Variants in DMD observed in about 807,000 individuals in gnomAD.
The protein encoded by DMD is mutant dystrophin.
DMD carries 63 observed loss-of-function variants against 330.1 expected under a neutral mutation model. That is an observed-to-expected ratio of 0.19 (90% CI 0.16 to 0.24). The LOEUF (loss-of-function observed/expected upper bound fraction) is 0.24, where lower values mean the gene tolerates loss of function less well. DMD is among the 10% of genes least tolerant of loss of function. DMD has a pLI of 1.00. For synonymous variants in DMD, 1,223 were observed against 959.8 expected (o/e 1.27, Z -5.07); for missense variants, 3,344 against 2,684.1 (o/e 1.25, Z -5.43).
At chrX:31,572,552 G>T (rs936574274) in intron 55 of DMD, among the ~76,000 whole-genome samples, 3 of 111,780 alleles carry the variant, frequency 2.7e-5, no homozygotes, top group Non-Finnish European at 5.6e-5. Flanking sequence ...TAATTCCCCC[G>T]TTGGAAGCAG....
At chrX:32,988,499 C>T (rs2092903224) in intron 2 of DMD, among the ~76,000 whole-genome samples, 2 of 112,157 alleles carry the variant, frequency 1.8e-5, no homozygotes, top group Non-Finnish European at 3.8e-5. Context: ...CCTATCAGAT[C>T]CACTCTGAGC....
intron 59 of DMD, among the ~76,000 whole-genome samples, chrX:31,471,030 C>A (rs1469168749): frequency 1.8e-5 from 2 of 111,888 alleles, no homozygotes; most frequent in Non-Finnish European, 3.8e-5. Flanking sequence ...AGGTCCACTT[C>A]AGACTGCTGT....
At chrX:32,041,681 T>C (rs1358347813) in intron 44 of DMD, among the ~76,000 whole-genome samples, 2 of 111,061 alleles carry the variant, frequency 1.8e-5, no homozygotes, top group East Asian at 5.7e-4. Context: ...TCATCTCTAC[T>C]GTCAAATGAT....
At chrX:33,261,747 A>T (rs964481754) in intron 1 of DMD, among the ~76,000 whole-genome samples, 5 of 109,910 alleles carry the variant, frequency 4.5e-5, no homozygotes, top group African/African-American at 1.7e-4. Context: ...ATCACCACAA[A>T]CAGCACTCCA....
intron 9 of DMD, among the ~76,000 whole-genome samples, chrX:32,658,945 GAT>G (rs1569414997): frequency 8.9e-6 from 1 of 111,767 alleles, no homozygotes; most frequent in East Asian, 2.8e-4. Context: ...CCTGAAAATA[GAT>G]ATGATACTAA....
At chrX:31,733,309 T>C (rs1486546587) in intron 51 of DMD, among the ~76,000 whole-genome samples, 1 of 111,892 alleles carries the variant, frequency 8.9e-6, no homozygotes, top group Non-Finnish European at 1.9e-5. Context: ...CAATTTTTTA[T>C]TGTATTCATT....
intron 7 of DMD, among the ~76,000 whole-genome samples, chrX:32,724,147 C>T (rs1376850052): frequency 8.9e-6 from 1 of 111,950 alleles, no homozygotes; most frequent in Non-Finnish European, 1.9e-5. Context: ...TGAGGAAATC[C>T]TTTCAAAAAA....
Position 32,614,408 on chromosome X carries a change from C to T in DMD, c.1377G>A (p.Glu459=), listed in dbSNP as rs2149350233. ...CTGTTTTTGTTAGCCAGTCATTCAA[C>T]TCTTTCAGTTTCTGATTCTGGAGAT... is the stretch of plus-strand genomic sequence containing the variant. ...LMDLQNQKLK[E]LNDWLTKTEE... is the part of the protein sequence containing the mutation. The change falls in exon 12 of 79, where the codon GAG becomes GAA. Residue 459 remains glutamate, a synonymous_variant. Transcript: ENST00000357033. 9 of 1,208,065 alleles carry T rather than the reference C, an allele frequency of 7.4e-6. No homozygotes were observed. The highest frequency in any genetic ancestry group is 9.0e-6 in the Non-Finnish European group (8 of 892,979).
intron 2 of DMD, among the ~76,000 whole-genome samples, chrX:32,973,549 A>G (rs1273368595): frequency 8.9e-6 from 1 of 111,884 alleles, no homozygotes; most frequent in Non-Finnish European, 1.9e-5. Context: ...TCGTAAAGCC[A>G]CCATGCTAGG....
At chrX:32,358,807 G>A (rs1481076179) in intron 37 of DMD, among the ~76,000 whole-genome samples, 1 of 110,555 alleles carries the variant, frequency 9.0e-6, no homozygotes, top group African/African-American at 3.3e-5. Flanking sequence ...CCCCAGATTC[G>A]GCCATTCAAG....
chrX:32,736,056 A>C (rs2068428986), intron 7 of DMD, among the ~76,000 whole-genome samples: 1 of 112,027 alleles, frequency 8.9e-6, no homozygotes, highest in African/African-American at 3.2e-5. Context: ...CAATGAACTC[A>C]AACAAATTTA....
chrX:33,171,555 G>A (rs767762228), intron 1 of DMD, among the ~76,000 whole-genome samples: 5 of 111,100 alleles, frequency 4.5e-5, no homozygotes, highest in Non-Finnish European at 7.6e-5. Context: ...CTACTCGTAG[G>A]TTATTCTTAA....
chrX:32,459,464 T>C (rs1057404624), intron 25 of DMD, among the ~76,000 whole-genome samples: 3 of 111,315 alleles, frequency 2.7e-5, no homozygotes, highest in East Asian at 2.8e-4. Context: ...CAGTATCTTA[T>C]ATACATGTTA....
At chrX:33,281,644 T>C (rs1471975631) in intron 1 of DMD, among the ~76,000 whole-genome samples, 2 of 111,486 alleles carry the variant, frequency 1.8e-5, no homozygotes, top group East Asian at 5.6e-4. Flanking sequence ...CTTTTGATGG[T>C]ACTCTGGACA....
intron 60 of DMD, among the ~76,000 whole-genome samples, chrX:31,409,968 G>A (rs1188004157): frequency 3.6e-5 from 4 of 110,781 alleles, no homozygotes; most frequent in Admixed American, 2.9e-4. Context: ...ACAGGCGCCC[G>A]CCACCATGCC....
intron 3 of DMD, among the ~76,000 whole-genome samples, chrX:32,848,896 G>C (rs2080905105): frequency 9.0e-6 from 1 of 110,838 alleles, no homozygotes; most frequent in African/African-American, 3.3e-5. Flanking sequence ...TTAGCGTTAA[G>C]TGTTACAGGA....
At chrX:33,188,186 C>T (rs766661505) in intron 1 of DMD, among the ~76,000 whole-genome samples, 69 of 110,704 alleles carry the variant, frequency 6.2e-4, no homozygotes, top group African/African-American at 2.2e-3. Flanking sequence ...GGGTGTTAAG[C>T]TGGTGAAACA....
intron 55 of DMD, among the ~76,000 whole-genome samples, chrX:31,610,582 T>C (rs1481955404): frequency 8.9e-6 from 1 of 112,129 alleles, no homozygotes; most frequent in Non-Finnish European, 1.9e-5. Flanking sequence ...ACTTTACTTT[T>C]GAGAAATTGA....
At chrX:32,717,612 C>T (rs778448504) in intron 7 of DMD, among the ~76,000 whole-genome samples, 1 of 111,659 alleles carries the variant, frequency 9.0e-6, no homozygotes, top group Non-Finnish European at 1.9e-5. Context: ...CACAGAGTCC[C>T]CACTGGGGCA....
Sources: gnomAD v4.1 joint callset for allele counts (sites outside exome capture counted in the v4.1 genomes callset) on GRCh38, gnomAD v4.1.1 for gene constraint, MANE v1.5 for transcripts, NCBI Gene and HGNC (gene_info 2026-07-23, HGNC 2026-07-21) for gene names.